Variants in MIS18BP1 observed in about 807,000 individuals in gnomAD.
The protein encoded by MIS18BP1 is MIS18 binding protein 1.
MIS18BP1 carries 72 observed loss-of-function variants against 116.1 expected under a neutral mutation model. The ratio of observed to expected loss-of-function variants is 0.62; its 90% CI spans 0.51 to 0.75. The LOEUF (loss-of-function observed/expected upper bound fraction) is 0.75, where lower values mean the gene tolerates loss of function less well. Among genes scored for constraint, MIS18BP1 ranks in the 30% least tolerant of loss-of-function variants. MIS18BP1 has a pLI of 0.00. For synonymous variants in MIS18BP1, 386 were observed against 427.0 expected (o/e 0.90, Z 1.18); for missense variants, 1,363 against 1,303.2 (o/e 1.05, Z -0.71).
chr14:45,210,875 C>T (rs1368807251), intron 13 of MIS18BP1, among the ~76,000 whole-genome samples: 4 of 152,088 alleles, frequency 2.6e-5, no homozygotes, highest in African/African-American at 7.2e-5. Flanking sequence ...GTATATAAAC[C>T]CTGGGTCTGG....
At chr14:45,208,560 C>T (rs1421846560) in intron 14 of MIS18BP1, among the ~76,000 whole-genome samples, 3 of 152,068 alleles carry the variant, frequency 2.0e-5, no homozygotes, top group Non-Finnish European at 1.5e-5. Flanking sequence ...TCTCGAACTT[C>T]TGACCTTGTG....
At chr14:45,207,674 C>T (rs1452930783) in intron 14 of MIS18BP1, among the ~76,000 whole-genome samples, 2 of 152,044 alleles carry the variant, frequency 1.3e-5, no homozygotes, top group Non-Finnish European at 2.9e-5. Context: ...ACAGGCCTAG[C>T]CAGTTGTTCA....
chr14:45,205,581 A>T (rs976942775), intron 15 of MIS18BP1, among the ~76,000 whole-genome samples: 1 of 152,156 alleles, frequency 6.6e-6, no homozygotes, highest in African/African-American at 2.4e-5. Flanking sequence ...TTTCAGTTAA[A>T]AATTTTTCTG....
At position 45,242,754 on chromosome 14, in the gene MIS18BP1, A is replaced by G. The variant is rs1439218178; in HGVS notation, c.658+7T>C. ...AACAAACTGAAAACAAACCAAAAAT[A>G]GTTTACCGTAAGTTAAATTGTGCAG... On this transcript the variant is annotated splice_region_variant and intron_variant, in intron 3 of 16. Transcript: ENST00000310806. 2 of 1,594,038 alleles carry G rather than the reference A, an allele frequency of 1.3e-6. No individual in the cohort carries two copies. The highest frequency in any genetic ancestry group is 1.7e-6 in the Non-Finnish European group (2 of 1,169,872).
intron 11 of MIS18BP1, among the ~76,000 whole-genome samples, chr14:45,223,690 T>C (rs1256331054): frequency 6.6e-6 from 1 of 152,242 alleles, no homozygotes; most frequent in Non-Finnish European, 1.5e-5. Flanking sequence ...AAAGGTCACT[T>C]TTACTTTCCT....
At chr14:45,227,222 C>T (rs1891145390) in intron 9 of MIS18BP1, among the ~76,000 whole-genome samples, 1 of 152,074 alleles carries the variant, frequency 6.6e-6, no homozygotes, top group Non-Finnish European at 1.5e-5. Flanking sequence ...AAAAACAGAA[C>T]TCTTGGCTGG....
intron 10 of MIS18BP1, among the ~76,000 whole-genome samples, chr14:45,226,467 G>A (rs1394120807): frequency 6.6e-6 from 1 of 152,028 alleles, no homozygotes; most frequent in East Asian, 1.9e-4. Flanking sequence ...ACACATTCCT[G>A]TAAGCATATG....
At chr14:45,212,614 A>C (rs564192327) in intron 13 of MIS18BP1, among the ~76,000 whole-genome samples, 1 of 152,228 alleles carries the variant, frequency 6.6e-6, no homozygotes, top group Non-Finnish European at 1.5e-5. Context: ...CTTCCTCATA[A>C]GATCTCAGAA....
chr14:45,251,419 A>G (rs1891871009), intron 1 of MIS18BP1, among the ~76,000 whole-genome samples: 1 of 152,202 alleles, frequency 6.6e-6, no homozygotes, highest in African/African-American at 2.4e-5. Flanking sequence ...ACAGAACTGA[A>G]GCTAAACAAT....
chr14:45,217,399 G>C (rs1890851928), intron 12 of MIS18BP1, among the ~76,000 whole-genome samples: 1 of 152,048 alleles, frequency 6.6e-6, no homozygotes. Flanking sequence ...AACTGCCTGG[G>C]CAATATAGTG....
chr14:45,221,160 C>T (rs1387318396), intron 11 of MIS18BP1, among the ~76,000 whole-genome samples: 3 of 151,056 alleles, frequency 2.0e-5, no homozygotes, highest in South Asian at 2.1e-4. Context: ...TAAAAGAAGC[C>T]GGGCGCGGTG....
At chr14:45,236,067 T>A in intron 5 of MIS18BP1, 123 bp from the exon 6 acceptor site, 1 of 904,002 alleles carries the variant, frequency 1.1e-6, no homozygotes, top group Non-Finnish European at 1.7e-6. Context: ...ACAAAATATT[T>A]GAAGGCCAAA....
chr14:45,204,347 A>T, intron 16 of MIS18BP1, 52 bp downstream of exon 16: 1 of 1,561,684 alleles, frequency 6.4e-7, no homozygotes, highest in Non-Finnish European at 8.7e-7. Flanking sequence ...TTAAATAAAG[A>T]ACCTACCTTA....
chr14:45,225,191 G>A (rs374686721), intron 10 of MIS18BP1, among the ~76,000 whole-genome samples: 2 of 151,870 alleles, frequency 1.3e-5, no homozygotes, highest in South Asian at 2.1e-4. Flanking sequence ...TACCTGCTTC[G>A]ATTTTATTCT....
rs118164944 is a variant in MIS18BP1 at position 45,242,179 on chromosome 14, G to A, written c.998C>T (p.Pro333Leu). 2.8e-3 allele frequency: 4,455 copies of A among 1,613,996 alleles called. 17 individuals are homozygous for A. Among genetic ancestry groups the A allele is most frequent in the Middle Eastern group, 0.018 (108 of 6,060 alleles). ...GKTVPGETGLPGSMKDTCKIV... is the reference protein window; with the variant it reads ...GKTVPGETGLLGSMKDTCKIV... ...TTTACATGTATCTTTCATGGAACCT[G>A]GAAGACCTGTCTCTCCAGGCACTGT... The change falls in exon 4 of 17, where the codon CCA becomes CTA. Residue 333 changes from proline to leucine, a missense_variant. Physicochemically the swap from Pro to Leu is moderately conservative, Grantham distance 98. Coordinates refer to ENST00000310806, the MANE Select transcript of MIS18BP1 (RefSeq NM_018353.5).
chr14:45,235,554 C>T (rs1336753020), intron 6 of MIS18BP1, among the ~76,000 whole-genome samples: 3 of 142,666 alleles, frequency 2.1e-5, no homozygotes, highest in African/African-American at 7.9e-5. Flanking sequence ...CGTGCCACTG[C>T]ACTCCAGCCT....
intron 4 of MIS18BP1, 167 bp downstream of exon 4, chr14:45,241,867 G>T: frequency 1.4e-6 from 1 of 715,306 alleles, no homozygotes; most frequent in Non-Finnish European, 2.2e-6. Flanking sequence ...ATGTCACACT[G>T]TCACTGCAGT....
intron 1 of MIS18BP1, among the ~76,000 whole-genome samples, chr14:45,248,055 G>GTTTTTTTTTTTTTTTT (rs3036381): frequency 2.3e-4 from 25 of 109,216 alleles, no homozygotes; most frequent in South Asian, 6.2e-4. Context: ...TGTTTCTTTC[G>GTTTTTTTTTTTTTTTT]TTTTTTTTTT....
At position 45,223,306 on chromosome 14, in the gene MIS18BP1, C is replaced by T. The variant is rs148788431; in HGVS notation, c.2669+612G>A. ...TTTATAACACTTGTTAGGCCGGGCA[C>T]GGTGGCTTATGCCTATAATCCCAGC... On this transcript the variant is annotated intron_variant, in intron 11 of 16. Coordinates refer to ENST00000310806, the MANE Select transcript of MIS18BP1 (RefSeq NM_018353.5). Among the ~76,000 whole-genome samples, 163 of 152,304 alleles carry T rather than the reference C, an allele frequency of 1.1e-3. 2 individuals are homozygous for T. In the East Asian group the frequency reaches 0.026, roughly 24 times the overall value.
Sources: gnomAD v4.1 joint callset for allele counts (sites outside exome capture counted in the v4.1 genomes callset) on GRCh38, gnomAD v4.1.1 for gene constraint, MANE v1.5 for transcripts, NCBI Gene and HGNC (gene_info 2026-07-23, HGNC 2026-07-21) for gene names.